TMEM232: variants seen among roughly 807,000 people sequenced by gnomAD.
The protein encoded by TMEM232 is transmembrane protein 232.
A neutral mutation model predicts 78.8 loss-of-function variants in TMEM232; 80 were observed. The observed-to-expected ratio is 1.01, with a 90% confidence interval of 0.85 to 1.22. The LOEUF is 1.22. TMEM232 is among the 50% of genes most tolerant of loss of function. The pLI is 0.00. For missense variants in TMEM232, 881 were observed against 742.2 expected (o/e 1.19, Z -2.17); for synonymous variants, 297 against 254.3 (o/e 1.17, Z -1.60).
At chr5:110,620,858 CTTTT>C (rs558332663) in intron 7 of TMEM232, among the ~76,000 whole-genome samples, 2 of 87,438 alleles carry the variant, frequency 2.3e-5, no homozygotes, top group African/African-American at 1.1e-4. Context: ...ATTTCAAGCG[CTTTT>C]TTTTTTTTTT....
chr5:110,736,378 C>CA (rs201301944), intron 1 of TMEM232, among the ~76,000 whole-genome samples: 3,661 of 151,482 alleles, frequency 0.024, 44 homozygotes, highest in African/African-American at 0.032. Context: ...TTTCTTCTTA[C>CA]AAAAAAAAGC....
intron 12 of TMEM232, among the ~76,000 whole-genome samples, chr5:110,452,729 G>C (rs903224813): frequency 3.9e-5 from 6 of 152,156 alleles, no homozygotes. Flanking sequence ...TTAATGTATA[G>C]CCTAGTGTTT....
chr5:110,718,620 T>A (rs1797263120), intron 1 of TMEM232, among the ~76,000 whole-genome samples: 1 of 152,018 alleles, frequency 6.6e-6, no homozygotes, highest in African/African-American at 2.4e-5. Flanking sequence ...GCTTCTTAGG[T>A]GTGAAGATTA....
intron 5 of TMEM232, among the ~76,000 whole-genome samples, chr5:110,632,787 T>C (rs1580436278): frequency 6.6e-6 from 1 of 152,146 alleles, no homozygotes; most frequent in South Asian, 2.1e-4. Flanking sequence ...ACATGAATTA[T>C]TGGTATCCCT....
chr5:110,702,014 A>G (rs894043235), intron 1 of TMEM232, among the ~76,000 whole-genome samples: 1 of 151,970 alleles, frequency 6.6e-6, no homozygotes, highest in South Asian at 2.1e-4. Flanking sequence ...CCACTCCAAA[A>G]ACTAGACAGC....
intron 12 of TMEM232, among the ~76,000 whole-genome samples, chr5:110,507,734 TAGTG>T (rs1767089846): frequency 6.6e-6 from 1 of 152,176 alleles, no homozygotes; most frequent in Non-Finnish European, 1.5e-5. Flanking sequence ...TATAGACAGA[TAGTG>T]AGCATTATTG....
intron 10 of TMEM232, among the ~76,000 whole-genome samples, chr5:110,571,693 T>C (rs1287239780): frequency 6.8e-6 from 1 of 147,768 alleles, no homozygotes; most frequent in Non-Finnish European, 1.5e-5. Flanking sequence ...TTTTGTTTTT[T>C]TGTTTTTTTT....
chr5:110,520,050 T>TATATAGAGAGAGAG (rs374219408), intron 12 of TMEM232, among the ~76,000 whole-genome samples: 3 of 147,260 alleles, frequency 2.0e-5, no homozygotes, highest in African/African-American at 7.5e-5. Flanking sequence ...TATATATATA[T>TATATAGAGAGAGAG]AGAGAGAGAG....
intron 12 of TMEM232, among the ~76,000 whole-genome samples, chr5:110,446,528 G>T (rs1487500860): frequency 2.0e-5 from 3 of 151,926 alleles, no homozygotes; most frequent in African/African-American, 7.3e-5. Context: ...GGAAACAGGG[G>T]TATATAAGAG....
intron 2 of TMEM232, among the ~76,000 whole-genome samples, chr5:110,644,846 C>A (rs1242758948): frequency 6.6e-6 from 1 of 150,878 alleles, no homozygotes; most frequent in African/African-American, 2.4e-5. Flanking sequence ...ATTGAAAAAC[C>A]ATTAGCTAGA....
At chr5:110,681,287 T>A (rs540800102) in intron 1 of TMEM232, among the ~76,000 whole-genome samples, 1 of 152,136 alleles carries the variant, frequency 6.6e-6, no homozygotes. Context: ...GGGAGGAATG[T>A]AAACAGCCAC....
At chr5:110,713,698 G>C (rs1032919718) in intron 1 of TMEM232, among the ~76,000 whole-genome samples, 5 of 151,962 alleles carry the variant, frequency 3.3e-5, no homozygotes, top group African/African-American at 1.2e-4. Flanking sequence ...GTTAACAAAA[G>C]ACCACGAGAT....
chr5:110,430,037 G>T (rs970818546), intron 12 of TMEM232: 2 of 151,512 alleles, frequency 1.3e-5, no homozygotes, highest in African/African-American at 4.8e-5. Context: ...TCTTTTAGAA[G>T]AGAATGATAG....
intron 1 of TMEM232, among the ~76,000 whole-genome samples, chr5:110,673,074 C>A (rs903838791): frequency 3.3e-5 from 5 of 152,018 alleles, no homozygotes; most frequent in Non-Finnish European, 5.9e-5. Context: ...CAATGATAGA[C>A]TGGATTAAGA....
In TMEM232 at chr5:110,605,373, T is replaced by C. The variant is rs564668972; in HGVS notation, c.1027-15A>G. On this transcript the variant is annotated splice_polypyrimidine_tract_variant and intron_variant, in intron 9 of 13. Transcript: ENST00000455884. ...CAACTTTCTTCCTGAAATGAGAAAA[T>C]AGATATTTGATCATCAAAGTATATC... is the stretch of plus-strand genomic sequence containing the variant. 5 of 1,537,418 alleles carry C rather than the reference T, an allele frequency of 3.3e-6. No individual in the cohort carries two copies. Among genetic ancestry groups the C allele is most frequent in the East Asian group, 2.5e-5 (1 of 40,628 alleles).
intron 12 of TMEM232, among the ~76,000 whole-genome samples, chr5:110,524,426 AAAAGAAAAGAAAAG>A: frequency 1.4e-5 from 2 of 141,752 alleles, no homozygotes; most frequent in African/African-American, 5.8e-5. Flanking sequence ...AAAAGAAAAG[AAAAGAAAAGAAAAG>A]AAAGGAAAGA....
intron 3 of TMEM232, among the ~76,000 whole-genome samples, chr5:110,641,446 C>G (rs143478148): frequency 6.6e-6 from 1 of 152,148 alleles, no homozygotes; most frequent in Non-Finnish European, 1.5e-5. Flanking sequence ...GATTGTTCCA[C>G]TTCCCTTATT....
intron 1 of TMEM232, among the ~76,000 whole-genome samples, chr5:110,705,911 A>T (rs575969757): frequency 6.6e-6 from 1 of 151,708 alleles, no homozygotes; most frequent in Non-Finnish European, 1.5e-5. Flanking sequence ...CCAAAATAAT[A>T]TATGCTATAT....
chr5:110,723,316 T>A (rs1231183357), intron 1 of TMEM232, among the ~76,000 whole-genome samples: 1 of 152,190 alleles, frequency 6.6e-6, no homozygotes, highest in Non-Finnish European at 1.5e-5. Context: ...ATGTGTTCAA[T>A]CAGAAACATA....
Sources: gnomAD v4.1 joint callset for allele counts (sites outside exome capture counted in the v4.1 genomes callset) on GRCh38, gnomAD v4.1.1 for gene constraint, MANE v1.5 for transcripts, NCBI Gene and HGNC (gene_info 2026-07-23, HGNC 2026-07-21) for gene names.